PCDH15: variants seen among roughly 807,000 people sequenced by gnomAD.
PCDH15 encodes protocadherin related 15.
A neutral mutation model predicts 178.5 loss-of-function variants in PCDH15; 129 were observed. That is an observed-to-expected ratio of 0.72 (90% CI 0.63 to 0.84). PCDH15 has a LOEUF of 0.84. Among genes scored for constraint, PCDH15 ranks in the 40% least tolerant of loss-of-function variants. PCDH15 has a pLI of 0.00. For synonymous variants in PCDH15, 800 were observed against 732.0 expected (o/e 1.09, Z -1.50); for missense variants, 2,230 against 2,099.9 (o/e 1.06, Z -1.21).
chr10:55,190,455 G>T (rs559460266), intron 1 of PCDH15, among the ~76,000 whole-genome samples: 1 of 151,680 alleles, frequency 6.6e-6, no homozygotes, highest in African/African-American at 2.4e-5. Context: ...CAGTTTGAAC[G>T]GTATCTGACA....
At chr10:55,560,700 T>C (rs9299562) in intron 2 of PCDH15, among the ~76,000 whole-genome samples, 3,490 of 151,994 alleles carry the variant, frequency 0.023, 136 homozygotes, top group African/African-American at 0.078. Flanking sequence ...ACTTTCTCTT[T>C]TGTTGACATT....
chr10:55,526,290 G>C (rs1004226547), intron 2 of PCDH15, among the ~76,000 whole-genome samples: 2 of 151,850 alleles, frequency 1.3e-5, no homozygotes, highest in Non-Finnish European at 2.9e-5. Context: ...TGAAGTTTAA[G>C]ACAAATTCAT....
chr10:54,466,915 T>C (rs2077557462), intron 3 of PCDH15, among the ~76,000 whole-genome samples: 1 of 151,982 alleles, frequency 6.6e-6, no homozygotes, highest in African/African-American at 2.4e-5. Context: ...TTATTGTAGC[T>C]GTTGTAAATG....
rs530509262 is a variant in PCDH15, at chr10:53,939,063, A to G, written c.3233-108T>C. 29 of 1,105,170 alleles carry G rather than the reference A, an allele frequency of 2.6e-5. No homozygotes were observed. The East Asian group carries it at 7.2e-4, about 27-fold the overall frequency. The allele number at this position is 1,105,170 out of a possible 1,614,324, so 68.5% of individuals were successfully genotyped here. A position where few individuals can be genotyped will look rare whatever the true frequency, so the allele number is the denominator to read the frequency against. On this transcript the variant is annotated intron_variant, in intron 24 of 37. Coordinates refer to ENST00000644397, the MANE Select transcript of PCDH15 (RefSeq NM_001384140.1). Reference sequence around the variant, plus strand: ...AAAACACTAAAAATGCCTATTTATAACTAGAGTGATGCATGAAAGTGACAA... The same window carrying G: ...AAAACACTAAAAATGCCTATTTATAGCTAGAGTGATGCATGAAAGTGACAA...
At chr10:55,550,202 A>G (rs182511043) in intron 2 of PCDH15, among the ~76,000 whole-genome samples, 154 of 152,266 alleles carry the variant, frequency 1.0e-3, no homozygotes, top group African/African-American at 3.5e-3. Context: ...TATCTATTGT[A>G]TTCTTCTAAT....
At chr10:53,808,950 T>G in intron 37 of PCDH15, 1 of 1,558,596 alleles carries the variant, frequency 6.4e-7, no homozygotes, top group Non-Finnish European at 8.7e-7. Context: ...CTGGTCCACT[T>G]TCTTCTTCTT....
intron 17 of PCDH15, among the ~76,000 whole-genome samples, chr10:54,078,649 A>G (rs527786708): frequency 6.6e-6 from 1 of 152,282 alleles, no homozygotes; most frequent in Non-Finnish European, 1.5e-5. Context: ...AATTATTAAC[A>G]ATGGTAATAT....
At chr10:55,624,557 T>G (rs1837483321) in intron 2 of PCDH15, among the ~76,000 whole-genome samples, 1 of 152,202 alleles carries the variant, frequency 6.6e-6, no homozygotes. Context: ...GATGCTGCAC[T>G]GTTATTGGGC....
At chr10:55,525,334 C>T (rs1483311403) in intron 2 of PCDH15, among the ~76,000 whole-genome samples, 2 of 151,802 alleles carry the variant, frequency 1.3e-5, no homozygotes, top group African/African-American at 4.8e-5. Context: ...ACCATCCAAG[C>T]TATGAACAAT....
At chr10:54,811,673 G>T (rs1952865716) in intron 3 of PCDH15, among the ~76,000 whole-genome samples, 1 of 152,082 alleles carries the variant, frequency 6.6e-6, no homozygotes, top group African/African-American at 2.4e-5. Context: ...GTTTCACCAT[G>T]TTGGCCAGGA....
At chr10:53,905,699 A>G (rs2082634547) in intron 25 of PCDH15, among the ~76,000 whole-genome samples, 3 of 152,160 alleles carry the variant, frequency 2.0e-5, no homozygotes, top group Admixed American at 2.0e-4. Flanking sequence ...CTTTGTGCAT[A>G]TAAGTTTAAG....
At chr10:53,867,019 A>G (rs1167611710) in intron 26 of PCDH15, among the ~76,000 whole-genome samples, 162 bp from the exon 27 acceptor site, 2 of 152,268 alleles carry the variant, frequency 1.3e-5, no homozygotes, top group Middle Eastern at 3.4e-3. Flanking sequence ...ATGTAGATTA[A>G]TAGACTTTGT....
chr10:54,070,900 G>GT (rs1196829274), intron 17 of PCDH15, among the ~76,000 whole-genome samples: 2 of 151,834 alleles, frequency 1.3e-5, no homozygotes, highest in East Asian at 1.9e-4. Flanking sequence ...CTCATCTTTT[G>GT]TTTTTTGTTG....
chr10:55,512,451 G>A (rs2132153241), intron 2 of PCDH15, among the ~76,000 whole-genome samples: 1 of 151,892 alleles, frequency 6.6e-6, no homozygotes. Flanking sequence ...ATCATGCCGT[G>A]GGCAAATAAT....
chr10:53,867,018 A>C (rs1007435689), intron 26 of PCDH15, among the ~76,000 whole-genome samples, 161 bp from the exon 27 acceptor site: 2 of 152,148 alleles, frequency 1.3e-5, no homozygotes, highest in African/African-American at 4.8e-5. Flanking sequence ...TATGTAGATT[A>C]ATAGACTTTG....
chr10:54,425,786 G>T (rs1384539203), intron 3 of PCDH15, among the ~76,000 whole-genome samples: 1 of 152,088 alleles, frequency 6.6e-6, no homozygotes, highest in East Asian at 1.9e-4. Context: ...AGTAACATAG[G>T]AATGGATACT....
chr10:55,474,499 G>T lies in PCDH15; in HGVS notation c.-156+153126C>A, dbSNP rs182929209. On this transcript the variant is annotated intron_variant, in intron 2 of 5. Coordinates refer to the PCDH15 transcript ENST00000613346. Reference sequence around the variant, plus strand: ...TGAGTTTTCCTGAGTTAGCTAATAGGGAGTTTCACAGGTGAGAATCTGTCT... The same window carrying T: ...TGAGTTTTCCTGAGTTAGCTAATAGTGAGTTTCACAGGTGAGAATCTGTCT... 2.6e-5 allele frequency among the ~76,000 whole-genome samples: 4 copies of T among 152,242 alleles called. No individual in the cohort carries two copies. In the East Asian group the frequency reaches 7.7e-4, roughly 29 times the overall value.
intron 6 of PCDH15, among the ~76,000 whole-genome samples, chr10:54,341,316 G>A (rs765706281): frequency 3.3e-5 from 5 of 152,222 alleles, no homozygotes; most frequent in Non-Finnish European, 7.4e-5. Flanking sequence ...CTGTTCTCCC[G>A]ATAGTGAGTT....
At chr10:54,401,803 C>G (rs1424024042) in intron 3 of PCDH15, among the ~76,000 whole-genome samples, 1 of 151,766 alleles carries the variant, frequency 6.6e-6, no homozygotes, top group Non-Finnish European at 1.5e-5. Flanking sequence ...TAATTTATGA[C>G]TTTACTGCTT....
Sources: gnomAD v4.1 joint callset for allele counts (sites outside exome capture counted in the v4.1 genomes callset) on GRCh38, gnomAD v4.1.1 for gene constraint, MANE v1.5 for transcripts, NCBI Gene and HGNC (gene_info 2026-07-23, HGNC 2026-07-21) for gene names.